Variants in EVI5 observed in about 807,000 individuals in gnomAD.
The protein encoded by EVI5 is ecotropic viral integration site 5 protein homolog.
Under a neutral mutation model 112.0 loss-of-function variants are expected in EVI5, and 73 were observed. That is an observed-to-expected ratio of 0.65 (90% CI 0.54 to 0.79). The LOEUF (loss-of-function observed/expected upper bound fraction) is 0.79, where lower values mean the gene tolerates loss of function less well. Ranked by LOEUF, EVI5 falls within the 30% of genes least tolerant of loss-of-function variation. The pLI, the probability that EVI5 is intolerant of heterozygous loss-of-function variation, is 0.00. For synonymous variants in EVI5, 305 were observed against 319.9 expected, an observed-to-expected ratio of 0.95 and a Z score of 0.50; for missense variants, 900 against 968.8, an observed-to-expected ratio of 0.93 and a Z score of 0.94.
intron 1 of EVI5, chr1:92,755,922 G>GTC (rs1680892274): frequency 5.7e-6 from 1 of 176,698 alleles, no homozygotes; most frequent in African/African-American, 2.4e-5. Context: ...CCTCAACTGA[G>GTC]TCTCAGCCAG....
intron 16 of EVI5, among the ~76,000 whole-genome samples, chr1:92,617,139 G>A (rs1416045833): frequency 6.6e-6 from 1 of 152,234 alleles, no homozygotes; most frequent in Non-Finnish European, 1.5e-5. Context: ...AAAGTGGACA[G>A]CCACAGCACT....
chr1:92,584,470 T>C (rs1672464448), intron 18 of EVI5, among the ~76,000 whole-genome samples: 1 of 152,194 alleles, frequency 6.6e-6, no homozygotes, highest in Admixed American at 6.5e-5. Flanking sequence ...TCTGTAACAC[T>C]TGGTAAGTAA....
At chr1:92,769,007 A>G (rs189368244) in intron 1 of EVI5, among the ~76,000 whole-genome samples, 1 of 151,734 alleles carries the variant, frequency 6.6e-6, no homozygotes, top group Admixed American at 6.6e-5. Flanking sequence ...TTCCTTTCTC[A>G]CCTCCCACTT....
chr1:92,646,512 C>T (rs1321473815), intron 13 of EVI5, among the ~76,000 whole-genome samples: 1 of 152,182 alleles, frequency 6.6e-6, no homozygotes, highest in East Asian at 1.9e-4. Context: ...ACAGGGGAAA[C>T]AGGACTAGCC....
chr1:92,540,977 G>C (rs1664700783), intron 19 of EVI5, among the ~76,000 whole-genome samples: 3 of 152,210 alleles, frequency 2.0e-5, no homozygotes, highest in Admixed American at 6.5e-5. Context: ...GGGAGCCTGA[G>C]GCAGGAGAAT....
chr1:92,670,162 T>A (rs994725002), intron 10 of EVI5, among the ~76,000 whole-genome samples: 1 of 152,218 alleles, frequency 6.6e-6, no homozygotes, highest in African/African-American at 2.4e-5. Context: ...TATAACTGGC[T>A]ATGGAAATAA....
At chr1:92,703,771 T>G in intron 3 of EVI5, 152 bp from the exon 4 acceptor site, 1 of 589,976 alleles carries the variant, frequency 1.7e-6, no homozygotes, top group East Asian at 3.1e-5. Context: ...GGGAACCCTG[T>G]AAGTCAAGGG....
chr1:92,716,274 AG>A (rs1324633009), intron 2 of EVI5, among the ~76,000 whole-genome samples: 1 of 152,182 alleles, frequency 6.6e-6, no homozygotes, highest in Non-Finnish European at 1.5e-5. Flanking sequence ...AGGAAAGATC[AG>A]GCAGCAATAT....
rs996329226 is a variant in EVI5 at position 92,547,583 on chromosome 1, AATAG to A, written c.2166+16055_2166+16058del. 1.7e-3 allele frequency among the ~76,000 whole-genome samples: 266 copies of A among 152,262 alleles called. 1 individual carries two copies. The highest frequency in any genetic ancestry group is 5.8e-3 in the African/African-American group (243 of 41,556). ...GAGCTGTTTTTGAAAGGATCAACAA[AATAG>A]ATAGACCGCTAGCAAGACTAATAAA... On this transcript the variant is annotated intron_variant, in intron 19 of 19. Transcript: ENST00000684568.
At chr1:92,595,116 G>A (rs1411942840) in intron 18 of EVI5, among the ~76,000 whole-genome samples, 4 of 151,812 alleles carry the variant, frequency 2.6e-5, no homozygotes, top group Non-Finnish European at 4.4e-5. Context: ...ACATGCACAC[G>A]TATGTTTATT....
At chr1:92,645,766 A>G (rs1660824031) in intron 13 of EVI5, among the ~76,000 whole-genome samples, 1 of 152,192 alleles carries the variant, frequency 6.6e-6, no homozygotes. Context: ...CCATTAATCT[A>G]GTAAATGCTG....
chr1:92,761,136 T>C (rs1414452326), intron 1 of EVI5, among the ~76,000 whole-genome samples: 1 of 152,148 alleles, frequency 6.6e-6, no homozygotes, highest in Non-Finnish European at 1.5e-5. Context: ...GTCATATTTT[T>C]TTAATTATTT....
At chr1:92,720,838 AAAC>A in intron 2 of EVI5, among the ~76,000 whole-genome samples, 1 of 152,164 alleles carries the variant, frequency 6.6e-6, no homozygotes, top group East Asian at 1.9e-4. Context: ...AGAAAAAAAC[AAAC>A]AACCCCATCA....
At chr1:92,620,665 G>A (rs983838139) in intron 16 of EVI5, among the ~76,000 whole-genome samples, 3 of 151,976 alleles carry the variant, frequency 2.0e-5, no homozygotes, top group Admixed American at 6.6e-5. Flanking sequence ...TCAATATCCT[G>A]CAAATATATC....
chr1:92,751,250 G>A (rs555112687), intron 1 of EVI5, among the ~76,000 whole-genome samples: 7 of 152,256 alleles, frequency 4.6e-5, no homozygotes, highest in African/African-American at 1.4e-4. Flanking sequence ...TGTTCTATGA[G>A]GTATACTGTG....
intron 13 of EVI5, among the ~76,000 whole-genome samples, chr1:92,654,374 T>G (rs188814226): frequency 3.3e-5 from 5 of 152,178 alleles, no homozygotes; most frequent in Admixed American, 1.3e-4. Flanking sequence ...CAGGAAGCTG[T>G]GATACTACTC....
upstream of EVI5, among the ~76,000 whole-genome samples, chr1:92,788,315 A>C (rs1033922616): frequency 6.7e-6 from 1 of 148,408 alleles, no homozygotes; most frequent in Non-Finnish European, 1.5e-5. Flanking sequence ...ACTGAAATAC[A>C]AAAAAAAAAT....
At chr1:92,602,189 A>C (rs576047946) in intron 18 of EVI5, among the ~76,000 whole-genome samples, 18 of 152,206 alleles carry the variant, frequency 1.2e-4, no homozygotes, top group Non-Finnish European at 2.5e-4. Flanking sequence ...TTGAAATTGA[A>C]ATTTAAAGAC....
chr1:92,672,366 C>T (rs1666023289), intron 10 of EVI5, among the ~76,000 whole-genome samples: 1 of 152,144 alleles, frequency 6.6e-6, no homozygotes, highest in Non-Finnish European at 1.5e-5. Context: ...CATGCTGTCC[C>T]ATCCACAATG....
Sources: allele counts gnomAD v4.1 joint callset (sites outside exome capture counted in the v4.1 genomes callset), GRCh38; gene constraint gnomAD v4.1.1; transcripts MANE v1.5; gene names NCBI Gene and HGNC (gene_info 2026-07-23, HGNC 2026-07-21).